RAPGEF1: variants seen among roughly 807,000 people sequenced by gnomAD.
The protein encoded by RAPGEF1 is Rap guanine nucleotide exchange factor 1.
A neutral mutation model predicts 143.3 loss-of-function variants in RAPGEF1; 33 were observed. The ratio of observed to expected loss-of-function variants is 0.23; its 90% confidence interval spans 0.17 to 0.31. The LOEUF is 0.31. Ranked by LOEUF, RAPGEF1 falls within the 10% of genes least tolerant of loss-of-function variation. RAPGEF1 has a pLI of 1.00. For missense variants in RAPGEF1, 1,199 were observed against 1,645.4 expected (o/e 0.73, Z 4.69); for synonymous variants, 629 against 676.5 (o/e 0.93, Z 1.09).
intron 11 of RAPGEF1, among the ~76,000 whole-genome samples, chr9:131,620,039 A>G (rs1474189261): frequency 2.0e-5 from 3 of 152,280 alleles, no homozygotes; most frequent in Admixed American, 2.0e-4. Context: ...GTAGAGCCAG[A>G]TGAGAGCCCT....
intron 3 of RAPGEF1, among the ~76,000 whole-genome samples, chr9:131,648,297 G>A (rs1258262847): frequency 1.3e-5 from 2 of 152,094 alleles, no homozygotes; most frequent in Non-Finnish European, 2.9e-5. Flanking sequence ...TGGCTGAGGC[G>A]GGAGAATTGC....
chr9:131,622,474 G>C (rs912292605), intron 10 of RAPGEF1, among the ~76,000 whole-genome samples: 1 of 152,186 alleles, frequency 6.6e-6, no homozygotes, highest in Non-Finnish European at 1.5e-5. Flanking sequence ...AATCAAGGAA[G>C]GCCAGACACT....
intron 12 of RAPGEF1, among the ~76,000 whole-genome samples, chr9:131,618,222 C>G (rs927053507): frequency 2.0e-5 from 3 of 152,212 alleles, no homozygotes; most frequent in African/African-American, 7.2e-5. Context: ...TTTTTGGAAG[C>G]CCGCCAGCTG....
intron 15 of RAPGEF1, among the ~76,000 whole-genome samples, chr9:131,599,770 C>T (rs1022759981): frequency 4.6e-5 from 7 of 152,108 alleles, no homozygotes; most frequent in African/African-American, 1.4e-4. Context: ...TTTATTCTGG[C>T]CCGTCTTGTG....
At chr9:131,620,334 G>T (rs1437113989) in intron 11 of RAPGEF1, among the ~76,000 whole-genome samples, 1 of 151,552 alleles carries the variant, frequency 6.6e-6, no homozygotes, top group Non-Finnish European at 1.5e-5. Flanking sequence ...GAACTCCTGG[G>T]ATCAAGTGAT....
At chr9:131,716,500 T>A (rs1047666445) in intron 1 of RAPGEF1, among the ~76,000 whole-genome samples, 31 of 152,212 alleles carry the variant, frequency 2.0e-4, no homozygotes. Context: ...GCACTATGGC[T>A]CATGCCTGTA....
Position 131,717,444 on chromosome 9 carries a change from A to G in RAPGEF1, c.61+22326T>C, listed in dbSNP as rs767295249. ...GGGCTCTGGTGAAATAGCAGCCGAC[A>G]GGGAGCTTACCTCCCAATGAGGGAA... is the stretch of plus-strand genomic sequence containing the variant. On this transcript the variant is annotated intron_variant, in intron 1 of 26. Coordinates refer to ENST00000683357, the MANE Select transcript of RAPGEF1 (RefSeq NM_001377935.1). 2.6e-5 allele frequency among the ~76,000 whole-genome samples: 4 copies of G among 152,338 alleles called. No homozygotes were observed. In the Middle Eastern group the frequency reaches 0.01, roughly 389 times the overall value.
intron 25 of RAPGEF1, 89 bp from the exon 26 acceptor site, chr9:131,580,480 G>T: frequency 6.9e-7 from 1 of 1,449,880 alleles, no homozygotes; most frequent in Non-Finnish European, 9.4e-7. Context: ...AGGACTCGCA[G>T]TGAGCAGCTT....
At chr9:131,603,852 AG>A in intron 14 of RAPGEF1, 108 bp downstream of exon 14, 1 of 564,300 alleles carries the variant, frequency 1.8e-6, no homozygotes, top group Non-Finnish European at 2.7e-6. Context: ...GGTGACTAGG[AG>A]GGGGCTCAGC....
chr9:131,706,411 C>T (rs995594361), intron 1 of RAPGEF1, among the ~76,000 whole-genome samples: 5 of 152,014 alleles, frequency 3.3e-5, no homozygotes, highest in East Asian at 1.9e-4. Flanking sequence ...TACTTGCGCG[C>T]GCCACCATGC....
Position 131,622,052 on chromosome 9 carries a change from A to G in RAPGEF1, c.1703-54T>C, listed in dbSNP as rs552833182. 1.6e-4 allele frequency: 243 copies of G among 1,523,178 alleles called. 7 individuals are homozygous for G. In the South Asian group the frequency reaches 2.8e-3, roughly 17 times the overall value. The allele number at this position is 1,523,178 out of a possible 1,614,324, so 94.4% of individuals were successfully genotyped here. A position where few individuals can be genotyped will look rare whatever the true frequency, so the allele number is the denominator to read the frequency against. On this transcript the variant is annotated intron_variant, in intron 10 of 26. Transcript: ENST00000683357. Reference sequence around the variant, plus strand: ...AGGCCGGGGGAGGCCACATCAGGGAACCCCTCCCCCCATTCTTCCCACAGC... The same window carrying G: ...AGGCCGGGGGAGGCCACATCAGGGAGCCCCTCCCCCCATTCTTCCCACAGC...
At position 131,586,425 on chromosome 9, in the gene RAPGEF1, G is replaced by A; in HGVS notation, c.3233+1311C>T. ...AAACACACACACACACACACCTGCA[G>A]AGCGAGACTCCGTCTCAAACACACA... On this transcript the variant is annotated intron_variant, in intron 22 of 26. Coordinates refer to ENST00000683357, the MANE Select transcript of RAPGEF1 (RefSeq NM_001377935.1). Among the ~76,000 whole-genome samples the A allele has an allele frequency of 3.0e-5, 2 of 66,644 alleles. 1 individual carries two copies. The highest frequency in any genetic ancestry group is 6.1e-5 in the Non-Finnish European group (2 of 32,842). The allele number at this position is 66,644 out of a possible 152,430, so 43.7% of individuals were successfully genotyped here. A position where few individuals can be genotyped will look rare whatever the true frequency, so the allele number is the denominator to read the frequency against.
At chr9:131,690,649 C>T (rs1042151302) in intron 1 of RAPGEF1, among the ~76,000 whole-genome samples, 3 of 151,706 alleles carry the variant, frequency 2.0e-5, no homozygotes, top group African/African-American at 7.3e-5. Context: ...AAAAAGGATA[C>T]AAAATTAGTC....
intron 1 of RAPGEF1, among the ~76,000 whole-genome samples, chr9:131,691,557 TA>T (rs1264074082): frequency 6.6e-6 from 1 of 152,256 alleles, no homozygotes; most frequent in Non-Finnish European, 1.5e-5. Flanking sequence ...TAATTTGCTT[TA>T]TTCTGATGCT....
chr9:131,609,643 C>T (rs1370959613), intron 12 of RAPGEF1, among the ~76,000 whole-genome samples: 1 of 152,170 alleles, frequency 6.6e-6, no homozygotes, highest in Non-Finnish European at 1.5e-5. Context: ...TGGAAACACA[C>T]CCCTGAAAGC....
At chr9:131,734,900 G>A (rs560292463) in intron 1 of RAPGEF1, among the ~76,000 whole-genome samples, 15 of 152,328 alleles carry the variant, frequency 9.8e-5, no homozygotes, top group Non-Finnish European at 1.5e-4. Flanking sequence ...TTCAGGCAGC[G>A]TGCTGGGCAA....
rs572221794 is a variant in RAPGEF1 at position 131,619,066 on chromosome 9, G to A, written c.2046C>T (p.Ser682=). 5.5e-5 allele frequency: 75 copies of A among 1,359,370 alleles called. No individual in the cohort carries two copies. Among genetic ancestry groups the A allele is most frequent in the Non-Finnish European group, 7.1e-5 (72 of 1,019,124 alleles). 84.2% of individuals were successfully genotyped at this position (1,359,370 alleles called of 1,614,324 possible). A position where few individuals can be genotyped will look rare whatever the true frequency, so the allele number is the denominator to read the frequency against. ...VSNSFLSRHG[S]LPVPSYKSVF... ...AGCAACTCACCGAGGGCACGGGCAA[G>A]CTGCCGTGCCGGCTGAGAAAGGAGT... Residue 682 remains serine (S), a synonymous_variant, in exon 12 of 27, where the codon AGC becomes AGT. Coordinates refer to ENST00000683357, the MANE Select transcript of RAPGEF1 (RefSeq NM_001377935.1).
intron 1 of RAPGEF1, among the ~76,000 whole-genome samples, chr9:131,658,799 A>G (rs1057252403): frequency 6.6e-6 from 1 of 152,194 alleles, no homozygotes; most frequent in Non-Finnish European, 1.5e-5. Context: ...TTCATTCTTA[A>G]ATTTTTAACT....
In RAPGEF1 at chr9:131,655,880, C is replaced by T. The variant is rs181495081; in HGVS notation, c.62-4931G>A. On this transcript the variant is annotated intron_variant, in intron 1 of 26. Coordinates refer to ENST00000683357, the MANE Select transcript of RAPGEF1 (RefSeq NM_001377935.1). The surrounding 1 kb of genome is among the most constrained non-coding windows in gnomAD (Gnocchi z 4.1). Reference sequence around the variant, plus strand: ...GAGATTACAGGTGTGAGCCACCGCGCCCGGCCAAAAAATTTTCTAAAAGGG... The same window carrying T: ...GAGATTACAGGTGTGAGCCACCGCGTCCGGCCAAAAAATTTTCTAAAAGGG... Among the ~76,000 whole-genome samples, 92 of 152,096 alleles carry T rather than the reference C, an allele frequency of 6.0e-4. 1 individual carries two copies. The Middle Eastern group carries it at 0.01, about 17-fold the overall frequency.
Sources: allele counts gnomAD v4.1 joint callset (sites outside exome capture counted in the v4.1 genomes callset), GRCh38; gene constraint gnomAD v4.1.1; non-coding constraint Gnocchi (gnomAD v3.1); transcripts MANE v1.5; gene names NCBI Gene and HGNC (gene_info 2026-07-23, HGNC 2026-07-21).